The following NRXN3 variants were observed in gnomAD, a reference collection of about 807,000 sequenced individuals.
NRXN3 encodes the protein neurexin 3, also known as neurexin III.
A neutral mutation model predicts 137.6 loss-of-function variants in NRXN3; 32 were observed. That is an observed-to-expected ratio of 0.23 (90% CI 0.18 to 0.31). The LOEUF (loss-of-function observed/expected upper bound fraction) is 0.31. Ranked by LOEUF, NRXN3 falls within the 10% of genes least tolerant of loss-of-function variation. The pLI, the probability that NRXN3 is intolerant of heterozygous loss-of-function variation, is 1.00. For synonymous variants in NRXN3, 798 were observed against 784.5 expected, an observed-to-expected ratio of 1.02 and a Z score of -0.29; for missense variants, 1,574 against 2,062.5, an observed-to-expected ratio of 0.76 and a Z score of 4.59.
chr14:78,914,041 A>G (rs1472896666), intron 10 of NRXN3, among the ~76,000 whole-genome samples: 2 of 152,206 alleles, frequency 1.3e-5, no homozygotes, highest in African/African-American at 2.4e-5. Flanking sequence ...GAGCCAAGAA[A>G]GAAACTTGGA....
At chr14:79,273,920 C>A (rs1179577590) in intron 15 of NRXN3, among the ~76,000 whole-genome samples, 1 of 151,646 alleles carries the variant, frequency 6.6e-6, no homozygotes. Flanking sequence ...CATGGTGAAA[C>A]CCTGTCTCTA....
rs2067293668 is a variant in NRXN3 at position 78,243,709 on chromosome 14, C to T, written c.616C>T (p.Pro206Ser). ...MDAEGPCGER[P>S]CENGGICFLL... ...TGCCGAGGGACCCTGTGGTGAGCGT[C>T]CCTGTGAAAATGGTGGGATCTGCTT... is the stretch of plus-strand genomic sequence containing the variant. Residue 206 changes from proline (P) to serine (S), a missense_variant, in exon 2 of 21, where the codon CCC (proline) becomes TCC (serine). Pro to Ser is a moderately conservative substitution (Grantham distance 74). Around this residue, in one of 5 missense-constraint regions of NRXN3, gnomAD observed 400 missense variants for 527.3 expected, o/e 0.76. Coordinates refer to ENST00000335750, the MANE Select transcript of NRXN3 (RefSeq NM_001330195.2). The surrounding 1 kb of genome is among the most constrained non-coding windows in gnomAD (Gnocchi z 4.2). 1 of 1,598,364 alleles carries T rather than the reference C, an allele frequency of 6.3e-7. No individual in the cohort carries two copies. The highest frequency in any genetic ancestry group is 8.5e-7 in the Non-Finnish European group (1 of 1,179,778).
chr14:78,730,356 G>A lies in NRXN3; in HGVS notation c.2044+15217G>A, dbSNP rs374029456. Among the ~76,000 whole-genome samples the A allele has an allele frequency of 3.0e-4, 45 of 152,088 alleles. 1 individual carries two copies. The East Asian group carries it at 8.5e-3, about 29-fold the overall frequency. Reference sequence around the variant, plus strand: ...TTTTTATTCACCCCTCTCCTGTCCTGCTTACCTTTTCTTTTTCCTGTTTCC... The same window carrying A: ...TTTTTATTCACCCCTCTCCTGTCCTACTTACCTTTTCTTTTTCCTGTTTCC... On this transcript the variant is annotated intron_variant, in intron 8 of 20. Transcript: ENST00000335750.
chr14:79,002,214 T>C (rs1019243476), intron 15 of NRXN3, among the ~76,000 whole-genome samples: 9 of 152,198 alleles, frequency 5.9e-5, no homozygotes, highest in African/African-American at 2.2e-4. Flanking sequence ...TGTGTATATG[T>C]ATTTTTTATT....
At chr14:78,719,835 G>A (rs117513891) in intron 8 of NRXN3, among the ~76,000 whole-genome samples, 9,338 of 151,920 alleles carry the variant, frequency 0.061, 335 homozygotes, top group Middle Eastern at 0.19. Context: ...GAGTGACTCC[G>A]TCTCAAGAAA....
intron 15 of NRXN3, among the ~76,000 whole-genome samples, chr14:79,157,835 AATATT>A (rs1186413842): frequency 6.6e-6 from 1 of 151,812 alleles, no homozygotes; most frequent in African/African-American, 2.4e-5. Flanking sequence ...AGACTTGAGA[AATATT>A]TTAGGCTTGA....
intron 3 of NRXN3, among the ~76,000 whole-genome samples, chr14:78,297,562 C>T (rs2076469651): frequency 6.6e-6 from 1 of 152,100 alleles, no homozygotes; most frequent in Non-Finnish European, 1.5e-5. Flanking sequence ...GTGATTAGGC[C>T]CAGAGCAGTT....
At chr14:79,227,754 CTT>C (rs2071233249) in intron 15 of NRXN3, among the ~76,000 whole-genome samples, 1 of 95,706 alleles carries the variant, frequency 1.0e-5, no homozygotes, top group South Asian at 4.9e-4. Context: ...TCCTTCCTTC[CTT>C]CCTTCCTTCC....
intron 4 of NRXN3, among the ~76,000 whole-genome samples, chr14:78,324,111 G>T (rs2079739048): frequency 6.6e-6 from 1 of 152,086 alleles, no homozygotes; most frequent in African/African-American, 2.4e-5. Flanking sequence ...CCCGAGCTGG[G>T]ATTGGAACCC....
chr14:79,688,970 C>A (rs1226605402), intron 17 of NRXN3, among the ~76,000 whole-genome samples: 1 of 152,006 alleles, frequency 6.6e-6, no homozygotes. Context: ...GTCGGATCCA[C>A]AGAAGTAATT....
intron 10 of NRXN3, among the ~76,000 whole-genome samples, chr14:78,811,056 G>A (rs80340720): frequency 0.012 from 1,817 of 152,242 alleles, 17 homozygotes; most frequent in Middle Eastern, 0.024. Flanking sequence ...AGGGGAATAT[G>A]AAGATAAATA....
At position 78,645,104 on chromosome 14, in the gene NRXN3, T is replaced by C. The variant is rs2097674252; in HGVS notation, c.758-16T>C. Reference sequence around the variant, plus strand: ...CAGACAAGTGCTGATTGCTTTCCTCTTTTCTTTTCCTATAGCTCGAGAGGA... The same window carrying C: ...CAGACAAGTGCTGATTGCTTTCCTCCTTTCTTTTCCTATAGCTCGAGAGGA... On this transcript the variant is annotated splice_polypyrimidine_tract_variant and intron_variant, in intron 4 of 20. Transcript: ENST00000335750. 2.0e-6 allele frequency: 3 copies of C among 1,528,190 alleles called. No homozygotes were observed. In the South Asian group the frequency reaches 3.6e-5, roughly 18 times the overall value. The allele number at this position is 1,528,190 out of a possible 1,614,324, so 94.7% of individuals were successfully genotyped here.
chr14:78,913,573 C>T (rs146914127), intron 10 of NRXN3, among the ~76,000 whole-genome samples: 181 of 152,078 alleles, frequency 1.2e-3, no homozygotes, highest in African/African-American at 4.0e-3. Flanking sequence ...CCACCGCGGC[C>T]GGCCACCTCT....
At chr14:79,497,551 C>A (rs541137545) in intron 16 of NRXN3, among the ~76,000 whole-genome samples, 2 of 152,274 alleles carry the variant, frequency 1.3e-5, no homozygotes, top group South Asian at 4.1e-4. Flanking sequence ...ACAGATTTTA[C>A]CATTAGCAAT....
intron 8 of NRXN3, among the ~76,000 whole-genome samples, chr14:78,747,094 G>C (rs2098611817): frequency 6.6e-6 from 1 of 151,358 alleles, no homozygotes; most frequent in Non-Finnish European, 1.5e-5. Context: ...TGTTAAGTTA[G>C]TTGCCAAGAC....
chr14:78,189,322 T>A lies in NRXN3; in HGVS notation c.-704+18648T>A, dbSNP rs577542252. 2.6e-5 allele frequency among the ~76,000 whole-genome samples: 4 copies of A among 152,246 alleles called. No individual in the cohort carries two copies. The South Asian group carries it at 8.3e-4, about 32-fold the overall frequency. ...TCCACTCAGCAGGCTGGAGTGATCC[T>A]TTAATAAGTAGGTCAGATCATGTTA... On this transcript the variant is annotated intron_variant, in intron 1 of 20. Coordinates refer to ENST00000335750, the MANE Select transcript of NRXN3 (RefSeq NM_001330195.2).
At chr14:78,551,233 C>A (rs1004120795) in intron 4 of NRXN3, among the ~76,000 whole-genome samples, 1 of 152,164 alleles carries the variant, frequency 6.6e-6, no homozygotes, top group Non-Finnish European at 1.5e-5. Context: ...GCTGAAGGAT[C>A]AAGACTTGCT....
At chr14:78,220,074 C>T (rs532988020) in intron 1 of NRXN3, among the ~76,000 whole-genome samples, 2 of 151,768 alleles carry the variant, frequency 1.3e-5, no homozygotes, top group Admixed American at 6.6e-5. Flanking sequence ...GGGATAATGC[C>T]CAGGTTGCTA....
chr14:79,283,693 G>A (rs1045644702), intron 15 of NRXN3, among the ~76,000 whole-genome samples: 7 of 151,632 alleles, frequency 4.6e-5, no homozygotes, highest in Non-Finnish European at 7.4e-5. Context: ...TTCTTAATGG[G>A]AATCTAGTAG....
Sources: gnomAD v4.1 joint callset for allele counts (sites outside exome capture counted in the v4.1 genomes callset) on GRCh38, gnomAD v4.1.1 for gene constraint, gnomAD v4.1.1 regional missense constraint, Gnocchi (gnomAD v3.1) non-coding constraint, MANE v1.5 for transcripts, NCBI Gene and HGNC (gene_info 2026-07-23, HGNC 2026-07-21) for gene names.